AGBL4: variants seen among roughly 807,000 people sequenced by gnomAD.
AGBL4 encodes the protein AGBL carboxypeptidase 4.
Under a neutral mutation model 66.4 loss-of-function variants are expected in AGBL4, and 58 were observed. That is an observed-to-expected ratio of 0.87 (90% CI 0.71 to 1.09). AGBL4 has a LOEUF of 1.09. AGBL4 is among the 50% of genes least tolerant of loss of function. The pLI is 0.00. For synonymous variants in AGBL4, 234 were observed against 222.9 expected, an observed-to-expected ratio of 1.05 and a Z score of -0.44; for missense variants, 579 against 631.0, an observed-to-expected ratio of 0.92 and a Z score of 0.88.
chr1:48,836,295 CAA>C (rs33961883), intron 6 of AGBL4, among the ~76,000 whole-genome samples: 4,427 of 100,622 alleles, frequency 0.044, 174 homozygotes, highest in African/African-American at 0.13. Context: ...TAAGTTTCCT[CAA>C]AAAAAAAAAA....
At position 48,653,339 on chromosome 1, in the gene AGBL4, G is replaced by C; in HGVS notation, c.837C>G (p.Tyr279Ter). 1 of 1,569,914 alleles carries C rather than the reference G, an allele frequency of 6.4e-7. No individual in the cohort carries two copies. The highest frequency in any genetic ancestry group is 8.6e-7 in the Non-Finnish European group (1 of 1,156,124). Residue 279 changes from tyrosine to a stop codon, truncating the protein, a stop_gained and splice_region_variant, in exon 8 of 14, where the codon TAC becomes TAG. Coordinates refer to ENST00000371839, the MANE Select transcript of AGBL4 (RefSeq NM_032785.4). LOFTEE classifies it high-confidence loss of function. Reference protein sequence around the residue: ...LNPDGVYLGNYRCSLMGFDLN... With the variant: ...LNPDGVYLGN ...AAGCATTCTCCCCAATTCCTTACCT[G>C]TAATTGCCCAGGTAGACTCCATCAG...
At chr1:49,976,757 C>A (rs866806271) in intron 1 of AGBL4, among the ~76,000 whole-genome samples, 1 of 152,120 alleles carries the variant, frequency 6.6e-6, no homozygotes, top group African/African-American at 2.4e-5. Context: ...ACAAGCAAAA[C>A]ATATATACAT....
intron 5 of AGBL4, among the ~76,000 whole-genome samples, chr1:49,000,849 C>T (rs1661347084): frequency 6.6e-6 from 1 of 152,130 alleles, no homozygotes; most frequent in Non-Finnish European, 1.5e-5. Flanking sequence ...CTGAATACAC[C>T]ACTAAGAACA....
chr1:48,742,336 T>C (rs1366553839), intron 6 of AGBL4, among the ~76,000 whole-genome samples: 1 of 152,162 alleles, frequency 6.6e-6, no homozygotes, highest in East Asian at 1.9e-4. Flanking sequence ...TTAAGAAATA[T>C]CTTTGTCACT....
chr1:49,903,761 AAG>A (rs1650000461), intron 1 of AGBL4, among the ~76,000 whole-genome samples: 1 of 152,166 alleles, frequency 6.6e-6, no homozygotes, highest in African/African-American at 2.4e-5. Flanking sequence ...AGTAGAGCTG[AAG>A]TATGTAGGCT....
chr1:48,628,281 C>A (rs186913901), intron 9 of AGBL4, among the ~76,000 whole-genome samples: 11 of 152,260 alleles, frequency 7.2e-5, no homozygotes, highest in African/African-American at 2.6e-4. Context: ...TCCAAGATTT[C>A]TAGATTGAAG....
intron 3 of AGBL4, among the ~76,000 whole-genome samples, chr1:49,537,447 CAACA>C (rs1224097880): frequency 1.3e-5 from 2 of 152,250 alleles, no homozygotes; most frequent in South Asian, 2.1e-4. Context: ...TCAATAACAA[CAACA>C]AACAATCAAG....
chr1:48,859,128 C>T (rs572541836), intron 6 of AGBL4, among the ~76,000 whole-genome samples: 71 of 152,138 alleles, frequency 4.7e-4, no homozygotes, highest in African/African-American at 1.6e-3. Flanking sequence ...TCCCTTTTCC[C>T]TCTGTCACAA....
chr1:49,898,497 C>A (rs986683131), intron 1 of AGBL4, among the ~76,000 whole-genome samples: 2 of 151,986 alleles, frequency 1.3e-5, no homozygotes, highest in African/African-American at 4.8e-5. Flanking sequence ...GAAAAAGAAC[C>A]CTCATATTCT....
At chr1:48,807,953 G>A (rs934488134) in intron 6 of AGBL4, among the ~76,000 whole-genome samples, 4 of 152,046 alleles carry the variant, frequency 2.6e-5, no homozygotes, top group Non-Finnish European at 4.4e-5. Context: ...CACATCTTGG[G>A]GCAGAGCACT....
At chr1:48,749,786 T>C (rs1223661843) in intron 6 of AGBL4, among the ~76,000 whole-genome samples, 4 of 152,338 alleles carry the variant, frequency 2.6e-5, no homozygotes, top group East Asian at 1.9e-4. Context: ...ACTTCTCTCC[T>C]GCCCAACTAT....
intron 4 of AGBL4, among the ~76,000 whole-genome samples, chr1:49,241,859 G>A (rs1014124153): frequency 1.3e-5 from 2 of 151,936 alleles, no homozygotes; most frequent in African/African-American, 2.4e-5. Flanking sequence ...TTATAACAAC[G>A]CTGGGAGGAA....
At chr1:49,196,552 T>C (rs1326237112) in intron 4 of AGBL4, among the ~76,000 whole-genome samples, 1 of 152,096 alleles carries the variant, frequency 6.6e-6, no homozygotes, top group Non-Finnish European at 1.5e-5. Flanking sequence ...ACTGTTTCCT[T>C]TGGGGGTGTT....
intron 1 of AGBL4, among the ~76,000 whole-genome samples, chr1:49,880,152 C>G (rs1647173452): frequency 6.6e-6 from 1 of 151,930 alleles, no homozygotes; most frequent in African/African-American, 2.4e-5. Flanking sequence ...AAGCCTTCCT[C>G]TCTCAGCTCG....
intron 3 of AGBL4, among the ~76,000 whole-genome samples, chr1:49,522,401 C>T (rs748678781): frequency 6.6e-6 from 1 of 152,092 alleles, no homozygotes; most frequent in African/African-American, 2.4e-5. Context: ...CTAGACCATA[C>T]GCAACATGCC....
intron 5 of AGBL4, among the ~76,000 whole-genome samples, chr1:48,966,911 G>A (rs1557510168): frequency 1.3e-5 from 2 of 152,180 alleles, no homozygotes; most frequent in South Asian, 4.2e-4. Context: ...CAGGTCACAT[G>A]GTGGGTAAAT....
intron 3 of AGBL4, among the ~76,000 whole-genome samples, chr1:49,553,961 G>A (rs979257730): frequency 6.6e-6 from 1 of 152,076 alleles, no homozygotes; most frequent in Non-Finnish European, 1.5e-5. Flanking sequence ...AACATAGTGG[G>A]ATCCCATCTC....
intron 3 of AGBL4, among the ~76,000 whole-genome samples, chr1:49,414,190 CACAT>C (rs1645377901): frequency 6.6e-6 from 1 of 151,992 alleles, no homozygotes; most frequent in African/African-American, 2.4e-5. Context: ...TATATGTAGA[CACAT>C]ACACATATAT....
chr1:49,544,010 T>C (rs1218007560), intron 3 of AGBL4, among the ~76,000 whole-genome samples: 2 of 152,152 alleles, frequency 1.3e-5, no homozygotes, highest in Non-Finnish European at 2.9e-5. Flanking sequence ...TATTTGCCAT[T>C]TTTCATACAC....
Sources: allele counts gnomAD v4.1 joint callset (sites outside exome capture counted in the v4.1 genomes callset), GRCh38; gene constraint gnomAD v4.1.1; transcripts MANE v1.5; gene names NCBI Gene and HGNC (gene_info 2026-07-23, HGNC 2026-07-21).